FOXK1: variants seen among roughly 807,000 people sequenced by gnomAD.
FOXK1 encodes the protein forkhead box protein K1.
A neutral mutation model predicts 51.9 loss-of-function variants in FOXK1; 19 were observed. The observed-to-expected ratio is 0.37, with a 90% CI of 0.26 to 0.54. The LOEUF (loss-of-function observed/expected upper bound fraction) is 0.54, where lower values mean the gene tolerates loss of function less well. Ranked by LOEUF, FOXK1 falls within the 20% of genes least tolerant of loss-of-function variation. The probability of loss-of-function intolerance (pLI) is 0.87; values close to 1 mark genes in which losing one functional copy is unlikely to be tolerated. For synonymous variants in FOXK1, 537 were observed against 482.6 expected, an observed-to-expected ratio of 1.11 and a Z score of -1.48; for missense variants, 870 against 1,032.7, an observed-to-expected ratio of 0.84 and a Z score of 2.16.
chr7:4,691,077 T>C lies in FOXK1; in HGVS notation c.560+8209T>C, dbSNP rs114306177. ...TTCCTGGTAAAATGTTGCCGGGTAA[T>C]TAAAAAGGATAAAAAACAGAATGTG... is the stretch of plus-strand genomic sequence containing the variant. On this transcript the variant is annotated intron_variant, in intron 1 of 8. Transcript: ENST00000328914. 4.6e-3 allele frequency among the ~76,000 whole-genome samples: 701 copies of C among 152,214 alleles called. 10 individuals are homozygous for C. Among genetic ancestry groups the C allele is most frequent in the African/African-American group, 0.016 (676 of 41,538 alleles).
chr7:4,715,399 C>T lies in FOXK1; in HGVS notation c.561-25439C>T, dbSNP rs1780221396. On this transcript the variant is annotated intron_variant, in intron 1 of 8. Transcript: ENST00000328914. This position sits in a 1 kb window ranked among gnomAD's most constrained non-coding sequence, Gnocchi z 4.5. ...TGGCCCGTGTACAGGAATGGGATCG[C>T]ACGGTGGTCCAGATCGTCTGTGCAC... Among the ~76,000 whole-genome samples the T allele has an allele frequency of 6.6e-6, 1 of 152,076 alleles. No individual in the cohort carries two copies. Among genetic ancestry groups the T allele is most frequent in the Non-Finnish European group, 1.5e-5 (1 of 68,030 alleles).
intron 1 of FOXK1, among the ~76,000 whole-genome samples, chr7:4,704,450 CAAAAA>C (rs3050383): frequency 1.5e-5 from 1 of 66,474 alleles, no homozygotes; most frequent in Non-Finnish European, 3.1e-5. Context: ...GACTCTGTCT[CAAAAA>C]AAAAAAAAAA....
intron 1 of FOXK1, among the ~76,000 whole-genome samples, chr7:4,717,141 G>A (rs545045190): frequency 1.3e-5 from 2 of 150,662 alleles, no homozygotes; most frequent in South Asian, 4.2e-4. Flanking sequence ...CTGGAAGGTG[G>A]TAGCGGGAGG....
rs17135096 is a variant in FOXK1 at position 4,770,029 on chromosome 7, G to T, written c.*7565G>T. The T allele has an allele frequency of 0.24, 36,057 of 152,064 alleles. 8,490 individuals carry two copies. Among genetic ancestry groups the T allele is most frequent in the African/African-American group, 0.61 (25,273 of 41,406 alleles). The allele number at this position is 152,064 out of a possible 1,614,324, so 9.4% of individuals were successfully genotyped here. A position where few individuals can be genotyped will look rare whatever the true frequency, so the allele number is the denominator to read the frequency against. The stretch of plus-strand genomic sequence containing the variant: ...AGGGCCTGCCCCTCCGAGTCTAGAG[G>T]TAAAAGCAGCTTCTAGAACTGGCCC... On this transcript the variant is annotated 3_prime_UTR_variant, in exon 9 of 9. Coordinates refer to ENST00000328914, the MANE Select transcript of FOXK1 (RefSeq NM_001037165.2).
rs775223866 is a variant in FOXK1, at chr7:4,759,361, T to A, written c.1462T>A (p.Ser488Thr). ...GATCATGGCCGTGCCTCCCCGACCG[T>A]CCAGCCTCGTGGCCAAGCCCGTGGC... ...PVIMAVPPRP[S>T]SLVAKPVAYM... The change falls in exon 7 of 9, where the codon TCC becomes ACC. Residue 488 changes from serine (S) to threonine (T), a missense_variant. Around this residue, in one of 3 missense-constraint regions of FOXK1, gnomAD observed 457 missense variants for 510.8 expected, o/e 0.89. Coordinates refer to ENST00000328914, the MANE Select transcript of FOXK1 (RefSeq NM_001037165.2). 6.2e-7 allele frequency: 1 copy of A among 1,602,270 alleles called. No homozygotes were observed. Among genetic ancestry groups the A allele is most frequent in the South Asian group, 1.1e-5 (1 of 90,882 alleles).
chr7:4,710,993 C>T (rs1184364363), intron 1 of FOXK1, among the ~76,000 whole-genome samples: 2 of 152,312 alleles, frequency 1.3e-5, no homozygotes, highest in Middle Eastern at 3.4e-3. Context: ...TCTGGGAAGC[C>T]CCATCACGGT....
rs1470448686 is a variant in FOXK1, at chr7:4,761,605, C to T, written c.1921+317C>T. 1.3e-5 allele frequency among the ~76,000 whole-genome samples: 2 copies of T among 152,220 alleles called. No homozygotes were observed. The highest frequency in any genetic ancestry group is 2.1e-4 in the South Asian group (1 of 4,820). The stretch of plus-strand genomic sequence containing the variant: ...TTAGCCAGGTGTGGTGTTGCACGCT[C>T]ATGGTCCCAGCTGCTTGGGAGAGTG... On this transcript the variant is annotated intron_variant, in intron 8 of 8. Coordinates refer to ENST00000328914, the MANE Select transcript of FOXK1 (RefSeq NM_001037165.2). This position sits in a 1 kb window ranked among gnomAD's most constrained non-coding sequence, Gnocchi z 6.2.
chr7:4,728,731 A>G (rs994739086), intron 1 of FOXK1, among the ~76,000 whole-genome samples: 9 of 21,508 alleles, frequency 4.2e-4, no homozygotes, highest in African/African-American at 2.7e-3. Flanking sequence ...TCTCTTTTTG[A>G]AAAAAAAAAA....
chr7:4,707,694 T>C lies in FOXK1; in HGVS notation c.560+24826T>C, dbSNP rs1780121598. On this transcript the variant is annotated intron_variant, in intron 1 of 8. Transcript: ENST00000328914. The surrounding 1 kb of genome is among the most constrained non-coding windows in gnomAD (Gnocchi z 4.1). Reference sequence around the variant, plus strand: ...GCGACCAGTACTCCATTTCACTTTTTTTTTTTTTGAGACGGACTCTCTCTC... The same window carrying C: ...GCGACCAGTACTCCATTTCACTTTTCTTTTTTTTGAGACGGACTCTCTCTC... 6.6e-6 allele frequency among the ~76,000 whole-genome samples: 1 copy of C among 151,806 alleles called. No individual in the cohort carries two copies. Among genetic ancestry groups the C allele is most frequent in the Non-Finnish European group, 1.5e-5 (1 of 67,994 alleles).
rs1780424183 is a variant in FOXK1, at chr7:4,729,578, G to C, written c.561-11260G>C. 6.6e-6 allele frequency among the ~76,000 whole-genome samples: 1 copy of C among 152,230 alleles called. No individual in the cohort carries two copies. The highest frequency in any genetic ancestry group is 6.5e-5 in the Admixed American group (1 of 15,282). On this transcript the variant is annotated intron_variant, in intron 1 of 8. Transcript: ENST00000328914. This position sits in a 1 kb window ranked among gnomAD's most constrained non-coding sequence, Gnocchi z 6.2. ...AGGACACACACCTGAGCCCCAGGGA[G>C]GGTCGGTGGCCATGGCTGTGCTTGG...
At chr7:4,736,734 G>A (rs1476825962) in intron 1 of FOXK1, among the ~76,000 whole-genome samples, 1 of 152,208 alleles carries the variant, frequency 6.6e-6, no homozygotes. Flanking sequence ...TTTTGAACTG[G>A]AAAGCACCTT....
At chr7:4,705,615 C>A (rs562034850) in intron 1 of FOXK1, among the ~76,000 whole-genome samples, 10 of 149,854 alleles carry the variant, frequency 6.7e-5, no homozygotes, top group Middle Eastern at 3.4e-3. Flanking sequence ...CTGTTCACGG[C>A]AACCTCTGCT....
rs1189545633 is a variant in FOXK1 at position 4,729,958 on chromosome 7, C to T, written c.561-10880C>T. ...TGAGCTGAGATCCAGCCACTGCCCT[C>T]CAGCCTGGGCGACAGAGCGAGACTC... On this transcript the variant is annotated intron_variant, in intron 1 of 8. Transcript: ENST00000328914. The surrounding 1 kb of genome is among the most constrained non-coding windows in gnomAD (Gnocchi z 6.2). Among the ~76,000 whole-genome samples the T allele has an allele frequency of 2.0e-5, 3 of 152,098 alleles. No individual in the cohort carries two copies. The highest frequency in any genetic ancestry group is 4.4e-5 in the Non-Finnish European group (3 of 68,020).
At position 4,757,068 on chromosome 7, in the gene FOXK1, G is replaced by A; in HGVS notation, c.1125G>A (p.Lys375=). 1 of 1,613,942 alleles carries A rather than the reference G, an allele frequency of 6.2e-7. No homozygotes were observed. Among genetic ancestry groups the A allele is most frequent in the Admixed American group, 1.7e-5 (1 of 60,016 alleles). The change falls in exon 5 of 9, where the codon AAG becomes AAA. Residue 375 remains lysine, a synonymous_variant. Coordinates refer to ENST00000328914, the MANE Select transcript of FOXK1 (RefSeq NM_001037165.2). The stretch of plus-strand genomic sequence containing the variant: ...CACGTTCCCAGGAGGAGCCTGGGAA[G>A]GGGTCCTTTTGGCGAATAGACCCTG... The part of the protein sequence containing the change: ...KVPRSQEEPG[K]GSFWRIDPAS...
chr7:4,711,323 G>A lies in FOXK1; in HGVS notation c.560+28455G>A, dbSNP rs966642122. On this transcript the variant is annotated intron_variant, in intron 1 of 8. Coordinates refer to ENST00000328914, the MANE Select transcript of FOXK1 (RefSeq NM_001037165.2). This position sits in a 1 kb window ranked among gnomAD's most constrained non-coding sequence, Gnocchi z 6.3. Reference sequence around the variant, plus strand: ...GATGTATCAGTCAGGGAGGCTGGGCGCAGTAATAAACACGCCCAGAGTGGA... The same window carrying A: ...GATGTATCAGTCAGGGAGGCTGGGCACAGTAATAAACACGCCCAGAGTGGA... Among the ~76,000 whole-genome samples the A allele has an allele frequency of 1.5e-4, 23 of 152,136 alleles. 1 individual carries two copies. The highest frequency in any genetic ancestry group is 1.2e-3 in the Admixed American group (19 of 15,266).
Position 4,743,803 on chromosome 7 carries a change from A to G in FOXK1, c.746+2780A>G, listed in dbSNP as rs1295948387. Among the ~76,000 whole-genome samples the G allele has an allele frequency of 6.6e-6, 1 of 152,096 alleles. No homozygotes were observed. The highest frequency in any genetic ancestry group is 1.5e-5 in the Non-Finnish European group (1 of 68,028). On this transcript the variant is annotated intron_variant, in intron 2 of 8. Transcript: ENST00000328914. This position sits in a 1 kb window ranked among gnomAD's most constrained non-coding sequence, Gnocchi z 5.3. ...GGCAGCGATCCGGGGCTCCTGAGGA[A>G]GGGCTAGGCCAGCGCCCCCGCCTTA...
intron 7 of FOXK1, among the ~76,000 whole-genome samples, chr7:4,760,213 T>C (rs1050931306): frequency 4.6e-5 from 7 of 152,222 alleles, no homozygotes; most frequent in Admixed American, 4.6e-4. Flanking sequence ...GACTGTTCTT[T>C]TCGACTCCCT....
intron 1 of FOXK1, among the ~76,000 whole-genome samples, chr7:4,725,722 C>T (rs1780372842): frequency 1.3e-5 from 2 of 152,272 alleles, no homozygotes; most frequent in African/African-American, 4.8e-5. Context: ...CATGTGATTT[C>T]TCAATCTCCG....
rs148350756 is a variant in FOXK1, at chr7:4,703,367, C to T, written c.560+20499C>T. On this transcript the variant is annotated intron_variant, in intron 1 of 8. Transcript: ENST00000328914. The surrounding 1 kb of genome is among the most constrained non-coding windows in gnomAD (Gnocchi z 5.6). ...TAGGGCGTTGTGACAGCCTGGCTCT[C>T]AGGGGATGGGAGGACAACTCGCTGA... 5.9e-5 allele frequency among the ~76,000 whole-genome samples: 9 copies of T among 152,272 alleles called. No individual in the cohort carries two copies. Among genetic ancestry groups the T allele is most frequent in the Admixed American group, 3.3e-4 (5 of 15,296 alleles).
Sources: allele counts gnomAD v4.1 joint callset (sites outside exome capture counted in the v4.1 genomes callset), GRCh38; gene constraint gnomAD v4.1.1; regional missense constraint gnomAD v4.1.1; non-coding constraint Gnocchi (gnomAD v3.1); transcripts MANE v1.5; gene names NCBI Gene and HGNC (gene_info 2026-07-23, HGNC 2026-07-21).